NLGN1: variants seen among roughly 807,000 people sequenced by gnomAD.
NLGN1 encodes neuroligin-1.
Under a neutral mutation model 65.5 loss-of-function variants are expected in NLGN1, and 12 were observed. That is an observed-to-expected ratio of 0.18 (90% CI 0.12 to 0.30). NLGN1 has a LOEUF of 0.30. NLGN1 is among the 10% of genes least tolerant of loss of function. The pLI is 1.00. For synonymous variants in NLGN1, 350 were observed against 359.5 expected, an observed-to-expected ratio of 0.97 and a Z score of 0.30; for missense variants, 750 against 1,007.1, an observed-to-expected ratio of 0.74 and a Z score of 3.46.
At chr3:173,502,936 A>G (rs979879062) in intron 2 of NLGN1, among the ~76,000 whole-genome samples, 6 of 152,096 alleles carry the variant, frequency 3.9e-5, no homozygotes, top group African/African-American at 1.2e-4. Context: ...TACATAAACT[A>G]AAGTTGAATT....
intron 4 of NLGN1, among the ~76,000 whole-genome samples, chr3:174,027,112 T>A (rs983251028): frequency 3.4e-5 from 5 of 147,742 alleles, no homozygotes; most frequent in Admixed American, 6.7e-5. Context: ...GCAGTAAAAA[T>A]AGAAATCCAT....
At chr3:174,284,539 C>A (rs1448895110) in exon 7 of NLGN1, 1 of 151,296 alleles carries the variant, frequency 6.6e-6, no homozygotes, top group Non-Finnish European at 1.5e-5. Context: ...ACAAAGATTA[C>A]ACTAAAATGA....
chr3:173,807,039 C>A (rs1259533533), intron 3 of NLGN1, among the ~76,000 whole-genome samples: 1 of 152,142 alleles, frequency 6.6e-6, no homozygotes, highest in Non-Finnish European at 1.5e-5. Context: ...TAAAAAATAT[C>A]ATTCTAATGA....
chr3:174,151,302 GCTAT>G (rs1472737408), intron 4 of NLGN1, among the ~76,000 whole-genome samples: 1 of 152,072 alleles, frequency 6.6e-6, no homozygotes, highest in Non-Finnish European at 1.5e-5. Flanking sequence ...TGAAAAGGTT[GCTAT>G]CTGTTGATGA....
chr3:173,465,187 G>A (rs1408161177), intron 2 of NLGN1, among the ~76,000 whole-genome samples: 1 of 152,184 alleles, frequency 6.6e-6, no homozygotes, highest in Non-Finnish European at 1.5e-5. Flanking sequence ...AGGGTGCTGT[G>A]TCCTGCGACT....
intron 2 of NLGN1, among the ~76,000 whole-genome samples, chr3:173,599,814 C>T (rs3861378): frequency 0.093 from 14,080 of 152,142 alleles, 782 homozygotes; most frequent in South Asian, 0.21. Flanking sequence ...TCAACACTTA[C>T]AGCACGTTTA....
intron 4 of NLGN1, among the ~76,000 whole-genome samples, chr3:174,094,439 CTT>C (rs201306995): frequency 2.1e-5 from 3 of 144,316 alleles, no homozygotes; most frequent in Admixed American, 7.0e-5. Flanking sequence ...AATTCGTAAA[CTT>C]TTTTTTTTTT....
intron 4 of NLGN1, among the ~76,000 whole-genome samples, chr3:174,098,472 C>A (rs1037782400): frequency 2.0e-5 from 3 of 152,060 alleles, no homozygotes; most frequent in Non-Finnish European, 2.9e-5. Flanking sequence ...ACATTTTTAC[C>A]AAATTCAGAA....
intron 4 of NLGN1, among the ~76,000 whole-genome samples, chr3:174,100,489 G>A (rs1360967551): frequency 6.6e-6 from 1 of 151,860 alleles, no homozygotes; most frequent in Non-Finnish European, 1.5e-5. Flanking sequence ...TTTGCCTAAA[G>A]TTAAACCCTT....
At chr3:173,974,257 G>A (rs1716937539) in intron 4 of NLGN1, among the ~76,000 whole-genome samples, 1 of 151,608 alleles carries the variant, frequency 6.6e-6, no homozygotes, top group Non-Finnish European at 1.5e-5. Context: ...TGTTATTCTG[G>A]AGTAATAATT....
intron 3 of NLGN1, among the ~76,000 whole-genome samples, chr3:173,779,130 A>G (rs996861377): frequency 2.7e-4 from 41 of 151,910 alleles, no homozygotes; most frequent in African/African-American, 9.6e-4. Context: ...GTTGCTTTGC[A>G]GAAAAAATGG....
chr3:174,096,447 G>A (rs1745548491), intron 4 of NLGN1, among the ~76,000 whole-genome samples: 1 of 151,828 alleles, frequency 6.6e-6, no homozygotes, highest in African/African-American at 2.4e-5. Flanking sequence ...ATATAATCAT[G>A]GAAATATCAT....
intron 3 of NLGN1, among the ~76,000 whole-genome samples, chr3:173,627,951 C>T (rs564854733): frequency 6.6e-6 from 1 of 151,342 alleles, no homozygotes; most frequent in African/African-American, 2.4e-5. Context: ...TGATTTTATA[C>T]CTCATTCCAG....
chr3:174,289,941 ATG>A (rs578059183), downstream of NLGN1, among the ~76,000 whole-genome samples: 2 of 74,636 alleles, frequency 2.7e-5, no homozygotes, highest in African/African-American at 5.4e-5. Flanking sequence ...ATATATATGT[ATG>A]TATATATATG....
chr3:173,765,090 GTGTGTGTGTA>G (rs143250148), intron 3 of NLGN1, among the ~76,000 whole-genome samples: 177 of 148,074 alleles, frequency 1.2e-3, no homozygotes, highest in African/African-American at 4.3e-3. Context: ...GTGTGTGTGT[GTGTGTGTGTA>G]TGTATGCACA....
At chr3:173,451,063 G>A (rs1023223902) in intron 2 of NLGN1, among the ~76,000 whole-genome samples, 2 of 152,034 alleles carry the variant, frequency 1.3e-5, no homozygotes, top group South Asian at 2.1e-4. Context: ...CTCTCAACTC[G>A]TCAAAGTCAT....
At chr3:173,414,583 G>GA (rs34213418) in intron 1 of NLGN1, among the ~76,000 whole-genome samples, 29,258 of 140,988 alleles carry the variant, frequency 0.21, 2,974 homozygotes, top group Middle Eastern at 0.29. Flanking sequence ...ATCTCCATGT[G>GA]AAAAAAAAAA....
chr3:173,436,548 A>G (rs139869257), intron 2 of NLGN1, among the ~76,000 whole-genome samples: 2 of 152,318 alleles, frequency 1.3e-5, no homozygotes, highest in African/African-American at 2.4e-5. Flanking sequence ...TGGTTTAACT[A>G]TGTGTCCCAT....
intron 4 of NLGN1, among the ~76,000 whole-genome samples, chr3:174,077,553 T>TTTTA (rs1382905305): frequency 2.7e-5 from 4 of 149,676 alleles, no homozygotes; most frequent in Non-Finnish European, 4.4e-5. Context: ...TTTCTTTTCT[T>TTTTA]TTTATTTATT....
Sources: allele counts gnomAD v4.1 joint callset (sites outside exome capture counted in the v4.1 genomes callset), GRCh38; gene constraint gnomAD v4.1.1; transcripts MANE v1.5; gene names NCBI Gene and HGNC (gene_info 2026-07-23, HGNC 2026-07-21).